The following ERC1 variants were observed in gnomAD, a reference collection of about 807,000 sequenced individuals.
ERC1 encodes ELKS/RAB6-interacting/CAST family member 1, also known as RAB6 interacting protein 2.
In ERC1, 56 loss-of-function variants were observed where a neutral mutation model predicts 132.0. The observed-to-expected ratio is 0.42, with a 90% confidence interval of 0.34 to 0.53. ERC1 has a LOEUF of 0.53. ERC1 is among the 20% of genes least tolerant of loss of function. The probability of loss-of-function intolerance (pLI) is 0.03; values close to 1 mark genes in which losing one functional copy is unlikely to be tolerated. For missense variants in ERC1, 1,202 were observed against 1,349.9 expected, an observed-to-expected ratio of 0.89 and a Z score of 1.72; for synonymous variants, 478 against 476.1, an observed-to-expected ratio of 1.00 and a Z score of -0.05.
chr12:1,197,046 T>C (rs1385766991), intron 12 of ERC1, among the ~76,000 whole-genome samples: 2 of 148,542 alleles, frequency 1.3e-5, no homozygotes, highest in Non-Finnish European at 3.0e-5. Flanking sequence ...AATGGTATGA[T>C]CTCAGCTCAC....
intron 8 of ERC1, among the ~76,000 whole-genome samples, chr12:1,154,695 A>T (rs1951198024): frequency 6.6e-6 from 1 of 152,286 alleles, no homozygotes; most frequent in African/African-American, 2.4e-5. Flanking sequence ...ACAGTCTACA[A>T]GGAACTTAAA....
At chr12:1,424,851 TAGATAGATAGATCGATAGATA>T (rs1565411289) in intron 17 of ERC1, among the ~76,000 whole-genome samples, 12 of 122,316 alleles carry the variant, frequency 9.8e-5, no homozygotes, top group African/African-American at 3.2e-4. Flanking sequence ...AGATGATAGA[TAGATAGATAGATCGATAGATA>T]GATAGATAGA....
chr12:1,421,161 ATTG>A (rs2092412997), intron 17 of ERC1, among the ~76,000 whole-genome samples: 1 of 152,282 alleles, frequency 6.6e-6, no homozygotes, highest in Admixed American at 6.5e-5. Flanking sequence ...TACATAACAA[ATTG>A]TTGTTAATTA....
Position 1,225,449 on chromosome 12 carries a change from T to TAAAACACAC in ERC1, c.2352-11319_2352-11318insAAACACACA, listed in dbSNP as rs139203394. 9.7e-3 allele frequency among the ~76,000 whole-genome samples: 1,277 copies of TAAAACACAC among 131,816 alleles called. 27 individuals carry two copies. The highest frequency in any genetic ancestry group is 0.029 in the African/African-American group (1,004 of 34,990). The allele number at this position is 131,816 out of a possible 152,430, so 86.5% of individuals were successfully genotyped here. ...AGGACAACAAAATGAGGCTGTCTCT[T>TAAAACACAC]ACACACACACACACACACACACACA... On this transcript the variant is annotated intron_variant, in intron 12 of 18. Coordinates refer to ENST00000360905, the MANE Select transcript of ERC1 (RefSeq NM_178040.4).
At chr12:1,478,546 C>T (rs1249886181) in intron 18 of ERC1, among the ~76,000 whole-genome samples, 2 of 152,144 alleles carry the variant, frequency 1.3e-5, no homozygotes, top group Non-Finnish European at 2.9e-5. Flanking sequence ...GTAATCCCAG[C>T]ACTTTGGGAG....
At chr12:1,024,947 AT>A (rs199642661) in intron 1 of ERC1, among the ~76,000 whole-genome samples, 3,514 of 152,234 alleles carry the variant, frequency 0.023, 136 homozygotes, top group African/African-American at 0.081. Flanking sequence ...TAGCATCTAC[AT>A]TTTATTAAGT....
At chr12:1,033,611 G>T (rs1404262963) in intron 2 of ERC1, among the ~76,000 whole-genome samples, 1 of 151,962 alleles carries the variant, frequency 6.6e-6, no homozygotes, top group Non-Finnish European at 1.5e-5. Context: ...TTACAGGCGT[G>T]TGCCACCATG....
intron 17 of ERC1, among the ~76,000 whole-genome samples, chr12:1,441,501 C>A (rs957336584): frequency 4.6e-5 from 7 of 152,216 alleles, no homozygotes; most frequent in Non-Finnish European, 8.8e-5. Context: ...CCATTTATCA[C>A]ATTGCCCCCT....
intron 8 of ERC1, among the ~76,000 whole-genome samples, chr12:1,174,670 G>A (rs986695863): frequency 6.6e-6 from 1 of 152,208 alleles, no homozygotes; most frequent in Non-Finnish European, 1.5e-5. Flanking sequence ...CATGTAAGGG[G>A]TGTTTGTATA....
At chr12:1,312,702 G>A (rs1026491546) in intron 15 of ERC1, among the ~76,000 whole-genome samples, 18 of 151,948 alleles carry the variant, frequency 1.2e-4, no homozygotes, top group Admixed American at 9.8e-4. Context: ...TATTGACTTT[G>A]GTTGATTCTT....
chr12:996,021 CTAAA>C (rs1053257299), intron 1 of ERC1, among the ~76,000 whole-genome samples: 5 of 151,896 alleles, frequency 3.3e-5, no homozygotes, highest in Admixed American at 6.6e-5. Context: ...AGGGAAATGA[CTAAA>C]TAAGTTTTAG....
At chr12:1,440,598 TTTTGTG>T (rs1302914562) in intron 17 of ERC1, among the ~76,000 whole-genome samples, 4 of 106,530 alleles carry the variant, frequency 3.8e-5, no homozygotes, top group Non-Finnish European at 6.8e-5. Flanking sequence ...TGCCTCAGCC[TTTTGTG>T]TGTGTGTGTG....
At chr12:1,359,863 T>A (rs906460599) in intron 15 of ERC1, among the ~76,000 whole-genome samples, 2 of 152,238 alleles carry the variant, frequency 1.3e-5, no homozygotes, top group Non-Finnish European at 2.9e-5. Context: ...AAGAGTTACG[T>A]CATCTTTAGA....
chr12:1,295,962 A>G (rs2079886579), intron 15 of ERC1, among the ~76,000 whole-genome samples: 1 of 151,664 alleles, frequency 6.6e-6, no homozygotes, highest in African/African-American at 2.4e-5. Flanking sequence ...AGAGCAGAAA[A>G]GAGCATGCAG....
At chr12:1,413,349 T>C (rs903205242) in intron 17 of ERC1, among the ~76,000 whole-genome samples, 1 of 152,086 alleles carries the variant, frequency 6.6e-6, no homozygotes. Context: ...ATCCCAGCAC[T>C]TTGGGAGGCC....
At chr12:1,437,115 A>G (rs1426651684) in intron 17 of ERC1, among the ~76,000 whole-genome samples, 1 of 152,234 alleles carries the variant, frequency 6.6e-6, no homozygotes, top group African/African-American at 2.4e-5. Context: ...ACAGCAAGAA[A>G]GAATTTTGGA....
chr12:1,199,498 C>T (rs548953202), intron 12 of ERC1, among the ~76,000 whole-genome samples: 21 of 152,192 alleles, frequency 1.4e-4, no homozygotes, highest in African/African-American at 4.3e-4. Context: ...TGGCCAGGCA[C>T]GGTGGTTCAC....
chr12:1,045,173 G>C (rs76808292), intron 2 of ERC1, among the ~76,000 whole-genome samples: 4,305 of 152,124 alleles, frequency 0.028, 85 homozygotes, highest in South Asian at 0.093. Flanking sequence ...CTGTGGTCCT[G>C]TACTGTGCTT....
At chr12:1,161,471 C>T (rs955326907) in intron 8 of ERC1, among the ~76,000 whole-genome samples, 3 of 152,114 alleles carry the variant, frequency 2.0e-5, no homozygotes, top group African/African-American at 7.2e-5. Context: ...ATATGAATGC[C>T]GTTTCTGTCT....
Sources: allele counts gnomAD v4.1 joint callset (sites outside exome capture counted in the v4.1 genomes callset), GRCh38; gene constraint gnomAD v4.1.1; transcripts MANE v1.5; gene names NCBI Gene and HGNC (gene_info 2026-07-23, HGNC 2026-07-21).